The following ALAS1 variants were observed in gnomAD, a reference collection of about 807,000 sequenced individuals.
ALAS1 encodes 5-aminolevulinate synthase, non-specific, mitochondrial.
In ALAS1, 29 loss-of-function variants were observed where a neutral mutation model predicts 59.6. The observed-to-expected ratio is 0.49, with a 90% CI of 0.36 to 0.66. The LOEUF is 0.66. ALAS1 is among the 30% of genes least tolerant of loss of function. ALAS1 has a pLI of 0.00. For synonymous variants in ALAS1, 299 were observed against 296.6 expected (o/e 1.01, Z -0.08); for missense variants, 690 against 807.5 (o/e 0.85, Z 1.76).
chr3:52,214,050 G>A lies in ALAS1; in HGVS notation c.1793G>A (p.Gly598Glu). Reference protein sequence around the residue: ...ENLLVTWKQVGLELKPHSSAE... With the variant: ...ENLLVTWKQVELELKPHSSAE... Reference sequence around the variant, plus strand: ...CTGCTAGTCACATGGAAGCAAGTGGGGCTGGAACTGAAGCCTCATTCCTCA... The same window carrying A: ...CTGCTAGTCACATGGAAGCAAGTGGAGCTGGAACTGAAGCCTCATTCCTCA... The change falls in exon 12 of 12, where the codon GGG (glycine) becomes GAG (glutamate). Residue 598 changes from glycine to glutamate, a missense_variant. By Grantham distance (98) the Gly-to-Glu change is moderately conservative (BLOSUM62 -2). Coordinates refer to ENST00000484952, the MANE Select transcript of ALAS1 (RefSeq NM_000688.6). The A allele has an allele frequency of 6.2e-7, 1 of 1,611,308 alleles. No individual in the cohort carries two copies. Among genetic ancestry groups the A allele is most frequent in the Admixed American group, 1.7e-5 (1 of 59,994 alleles).
chr3:52,198,693 G>A lies in ALAS1; in HGVS notation c.-188G>A. 9.7e-7 allele frequency: 1 copy of A among 1,025,980 alleles called. No homozygotes were observed. The highest frequency in any genetic ancestry group is 1.5e-6 in the Non-Finnish European group (1 of 687,818). 63.6% of individuals were successfully genotyped at this position (1,025,980 alleles called of 1,614,324 possible). ...TCAGTTATGCCCAGTTCTTCCCGCT[G>A]TGGGGACACGACCACGGAGGAATCC... is the stretch of plus-strand genomic sequence containing the variant. On this transcript the variant is annotated 5_prime_UTR_variant, in exon 2 of 12. The change creates a new upstream start codon in the 5' untranslated region. Transcript: ENST00000484952.
intron 2 of ALAS1, 91 bp from the exon 3 acceptor site, chr3:52,199,119 T>G (rs1256979212): frequency 7.7e-7 from 1 of 1,299,304 alleles, no homozygotes; most frequent in Non-Finnish European, 1.1e-6. Flanking sequence ...CAGGGTACCC[T>G]TTATATAAAC....
chr3:52,207,792 T>G (rs1699324951), intron 8 of ALAS1, among the ~76,000 whole-genome samples: 1 of 152,230 alleles, frequency 6.6e-6, no homozygotes, highest in Admixed American at 6.5e-5. Context: ...TCCGTATTGC[T>G]GTAAAGGACA....
At position 52,204,722 on chromosome 3, in the gene ALAS1, T is replaced by G. The variant is rs772729553; in HGVS notation, c.607T>G (p.Phe203Val). ...TTCCACTTTTCAGTATGATCGTTTC[T>G]TTGAGAAAAAAATTGATGAGAAAAA... ...SVSTFQYDRF[F>V]EKKIDEKKND... The change falls in exon 6 of 12, where the codon TTT (phenylalanine) becomes GTT (valine). Residue 203 changes from phenylalanine (F) to valine (V), a missense_variant. By Grantham distance (50) the Phe-to-Val change is conservative (BLOSUM62 -1). Transcript: ENST00000484952. 1 of 1,614,182 alleles carries G rather than the reference T, an allele frequency of 6.2e-7. No homozygotes were observed. Among genetic ancestry groups the G allele is most frequent in the Non-Finnish European group, 8.5e-7 (1 of 1,180,030 alleles).
rs1371149162 is a variant in ALAS1 at position 52,212,353 on chromosome 3, G to A, written c.1695G>A (p.Arg565=). 1 of 1,614,110 alleles carries A rather than the reference G, an allele frequency of 6.2e-7. No individual in the cohort carries two copies. Among genetic ancestry groups the A allele is most frequent in the Non-Finnish European group, 8.5e-7 (1 of 1,180,008 alleles). ...CAATCAATTACCCTACGGTGCCCCGGGGAGAAGAGCTCCTACGGATTGCCC... is the reference window on the plus strand; with the variant it reads ...CAATCAATTACCCTACGGTGCCCCGAGGAGAAGAGCTCCTACGGATTGCCC... ...VQAINYPTVP[R]GEELLRIAPT... is the part of the protein sequence containing the mutation. The change falls in exon 11 of 12, where the codon CGG becomes CGA. Residue 565 remains arginine, a synonymous_variant. Coordinates refer to ENST00000484952, the MANE Select transcript of ALAS1 (RefSeq NM_000688.6).
intron 4 of ALAS1, 51 bp downstream of exon 4, chr3:52,202,785 TC>T: frequency 6.5e-7 from 1 of 1,550,040 alleles, no homozygotes; most frequent in Non-Finnish European, 8.9e-7. Context: ...TCCTTTTAGT[TC>T]TTTTGGGCCC....
chr3:52,201,365 C>T (rs894272207), intron 3 of ALAS1, among the ~76,000 whole-genome samples: 1 of 152,136 alleles, frequency 6.6e-6, no homozygotes, highest in Non-Finnish European at 1.5e-5. Flanking sequence ...ATCTAAAGAC[C>T]TAAGTCTTAG....
At chr3:52,212,197 A>T (rs1451470591) in intron 10 of ALAS1, 61 bp from the exon 11 acceptor site, 2 of 1,496,182 alleles carry the variant, frequency 1.3e-6, no homozygotes, top group African/African-American at 1.4e-5. Context: ...GTTCGTTAGG[A>T]TCTCTGCTAA....
chr3:52,200,667 T>C (rs1394851818), intron 3 of ALAS1, among the ~76,000 whole-genome samples: 1 of 151,942 alleles, frequency 6.6e-6, no homozygotes, highest in African/African-American at 2.4e-5. Flanking sequence ...ACCCGGGAGG[T>C]AGAGGTTGCA....
intron 3 of ALAS1, among the ~76,000 whole-genome samples, chr3:52,202,260 G>T (rs1699201075): frequency 6.6e-6 from 1 of 152,124 alleles, no homozygotes; most frequent in Non-Finnish European, 1.5e-5. Flanking sequence ...TGAGGCATGA[G>T]AATCACTTGA....
At position 52,211,686 on chromosome 3, in the gene ALAS1, C is replaced by G. The variant is rs986010207; in HGVS notation, c.1599+135C>G. ...AGGGCAGGGGTTGTAGCCAGCCACC[C>G]TCTGTCATGTTTCCGCCATTGGCTG... On this transcript the variant is annotated intron_variant, in intron 10 of 11. Coordinates refer to ENST00000484952, the MANE Select transcript of ALAS1 (RefSeq NM_000688.6). The G allele has an allele frequency of 1.0e-5, 13 of 1,288,280 alleles. No homozygotes were observed. In the South Asian group the frequency reaches 1.8e-4, roughly 18 times the overall value. 79.8% of individuals were successfully genotyped at this position (1,288,280 alleles called of 1,614,324 possible).
chr3:52,212,528 C>CT, intron 11 of ALAS1, 108 bp downstream of exon 11: 4 of 1,417,782 alleles, frequency 2.8e-6, no homozygotes, highest in South Asian at 2.4e-5. Flanking sequence ...GTTTCTTCTT[C>CT]TTTTTTTAGT....
Position 52,211,347 on chromosome 3 carries a change from G to A in ALAS1, c.1395G>A (p.Arg465=), listed in dbSNP as rs771754612. ...CGAGTTCTCTGATTGACACCGTACG[G>A]TCCTATGCTGCTGGCTTCATCTTCA... ...ASTSSLIDTV[R]SYAAGFIFTT... Residue 465 remains arginine (R), a synonymous_variant, in exon 10 of 12, where the codon CGG becomes CGA. Coordinates refer to ENST00000484952, the MANE Select transcript of ALAS1 (RefSeq NM_000688.6). 1 of 1,614,090 alleles carries A rather than the reference G, an allele frequency of 6.2e-7. No homozygotes were observed. The highest frequency in any genetic ancestry group is 1.7e-5 in the Admixed American group (1 of 60,002).
At position 52,214,287 on chromosome 3, in the gene ALAS1, TA is replaced by T. The variant is rs1699470903; in HGVS notation, c.*112del. Reference sequence around the variant, plus strand: ...AGTTATATTAAATTTTAATCTATAGTAAAAACATAGTCCTGGAAATAAATTC... The same window carrying T: ...AGTTATATTAAATTTTAATCTATAGTAAAACATAGTCCTGGAAATAAATTC... On this transcript the variant is annotated 3_prime_UTR_variant, in exon 12 of 12. Transcript: ENST00000484952. 1 of 1,063,842 alleles carries T rather than the reference TA, an allele frequency of 9.4e-7. No individual in the cohort carries two copies. The highest frequency in any genetic ancestry group is 1.3e-6 in the Non-Finnish European group (1 of 761,178). 65.9% of individuals were successfully genotyped at this position (1,063,842 alleles called of 1,614,324 possible).
At chr3:52,204,559 A>G in intron 5 of ALAS1, 134 bp from the exon 6 acceptor site, 1 of 697,558 alleles carries the variant, frequency 1.4e-6, no homozygotes, top group East Asian at 2.7e-5. Context: ...AGTCTTATTT[A>G]CTTACAAGAT....
Position 52,212,312 on chromosome 3 carries a change from A to G in ALAS1, c.1654A>G (p.Asn552Asp). The G allele has an allele frequency of 6.2e-7, 1 of 1,614,150 alleles. No individual in the cohort carries two copies. The highest frequency in any genetic ancestry group is 1.7e-4 in the Middle Eastern group (1 of 6,050). ...EVCDELMSRHNIYVQAINYPT... is the reference protein window; with the variant it reads ...EVCDELMSRHDIYVQAINYPT... ...CTGTGATGAACTAATGAGCAGACAT[A>G]ACATCTACGTGCAAGCAATCAATTA... The change falls in exon 11 of 12, where the codon AAC (asparagine) becomes GAC (aspartate). Residue 552 changes from asparagine (N) to aspartate (D), a missense_variant. Transcript: ENST00000484952.
intron 3 of ALAS1, among the ~76,000 whole-genome samples, chr3:52,200,690 C>T (rs1208147273): frequency 6.6e-6 from 1 of 152,188 alleles, no homozygotes; most frequent in Non-Finnish European, 1.5e-5. Flanking sequence ...GAGCTGAGAT[C>T]ATGCCATGTA....
intron 5 of ALAS1, 68 bp downstream of exon 5, chr3:52,204,080 A>G: frequency 6.7e-7 from 1 of 1,487,562 alleles, no homozygotes; most frequent in Admixed American, 2.0e-5. Flanking sequence ...TAGATTAAAT[A>G]TAAAATTGCA....
Position 52,204,844 on chromosome 3 carries a change from G to A in ALAS1, c.729G>A (p.Lys243=). 3 of 1,614,174 alleles carry A rather than the reference G, an allele frequency of 1.9e-6. No individual in the cohort carries two copies. Among genetic ancestry groups the A allele is most frequent in the Non-Finnish European group, 2.5e-6 (3 of 1,180,032 alleles). ...ATTCAGACTCCCTCATCACCAAAAAGCAAGTGTCAGTCTGGTGCAGTAATG... is the reference window on the plus strand; with the variant it reads ...ATTCAGACTCCCTCATCACCAAAAAACAAGTGTCAGTCTGGTGCAGTAATG... ...DDYSDSLITK[K]QVSVWCSNDY... Residue 243 remains lysine, a synonymous_variant, in exon 6 of 12, where the codon AAG becomes AAA. Coordinates refer to ENST00000484952, the MANE Select transcript of ALAS1 (RefSeq NM_000688.6).
Sources: allele counts gnomAD v4.1 joint callset (sites outside exome capture counted in the v4.1 genomes callset), GRCh38; gene constraint gnomAD v4.1.1; transcripts MANE v1.5; gene names NCBI Gene and HGNC (gene_info 2026-07-23, HGNC 2026-07-21).